UGGT2: variants seen among roughly 807,000 people sequenced by gnomAD.
UGGT2 encodes the protein UDP-glucose glycoprotein glucosyltransferase 2.
UGGT2 carries 180 observed loss-of-function variants against 192.1 expected under a neutral mutation model. The observed-to-expected ratio is 0.94, with a 90% confidence interval of 0.83 to 1.06. The LOEUF is 1.06. UGGT2 is among the 50% of genes least tolerant of loss of function. The pLI, the probability that UGGT2 is intolerant of heterozygous loss-of-function variation, is 0.00. For synonymous variants in UGGT2, 580 were observed against 591.0 expected (o/e 0.98, Z 0.27); for missense variants, 1,849 against 1,795.7 (o/e 1.03, Z -0.54).
At chr13:95,961,010 G>A (rs772737324) in intron 12 of UGGT2, among the ~76,000 whole-genome samples, 2 of 152,174 alleles carry the variant, frequency 1.3e-5, no homozygotes, top group African/African-American at 4.8e-5. Context: ...TTCACCACTA[G>A]ACCAGCCCTG....
At chr13:95,997,404 T>C (rs2051658520) in intron 6 of UGGT2, among the ~76,000 whole-genome samples, 1 of 152,036 alleles carries the variant, frequency 6.6e-6, no homozygotes, top group Non-Finnish European at 1.5e-5. Flanking sequence ...TCCCAACACT[T>C]TGGGAGGCTG....
chr13:96,020,186 C>T (rs1168163045), intron 4 of UGGT2, among the ~76,000 whole-genome samples: 1 of 152,136 alleles, frequency 6.6e-6, no homozygotes, highest in Non-Finnish European at 1.5e-5. Context: ...AGTTGAACTA[C>T]GTGAAAATGT....
At chr13:95,889,498 C>T (rs1594242978) in intron 25 of UGGT2, among the ~76,000 whole-genome samples, 1 of 152,208 alleles carries the variant, frequency 6.6e-6, no homozygotes, top group African/African-American at 2.4e-5. Flanking sequence ...TACATTTTCA[C>T]CAGACTCAAT....
At chr13:95,944,124 A>G (rs545872100) in intron 15 of UGGT2, among the ~76,000 whole-genome samples, 1 of 152,082 alleles carries the variant, frequency 6.6e-6, no homozygotes, top group African/African-American at 2.4e-5. Flanking sequence ...TTTACTTTTT[A>G]TATACCTGCT....
rs764437678 is a variant in UGGT2 at position 95,927,260 on chromosome 13, A to G, written c.2054T>C (p.Leu685Ser). ...GTACTGCTGGTTAGTACGCAAAATCAAAGTATTTATACGGGGTACAACATT... is the reference window on the plus strand; with the variant it reads ...GTACTGCTGGTTAGTACGCAAAATCGAAGTATTTATACGGGGTACAACATT... ...RNNVVPRINT[L>S]ILRTNQQYLN... Residue 685 changes from leucine to serine, a missense_variant, in exon 18 of 39, where the codon TTG (leucine) becomes TCG (serine). By Grantham distance (145) the Leu-to-Ser change is moderately radical. Transcript: ENST00000376747. 3 of 1,612,752 alleles carry G rather than the reference A, an allele frequency of 1.9e-6. No individual in the cohort carries two copies. The Admixed American group carries it at 5.0e-5, about 27-fold the overall frequency.
intron 20 of UGGT2, among the ~76,000 whole-genome samples, chr13:95,906,897 T>C (rs1228341957): frequency 2.0e-5 from 3 of 152,240 alleles, no homozygotes; most frequent in South Asian, 2.1e-4. Flanking sequence ...CATTTCCAGC[T>C]CAGGTACCTG....
chr13:95,911,550 C>G (rs1233278762), intron 20 of UGGT2, among the ~76,000 whole-genome samples: 1 of 152,168 alleles, frequency 6.6e-6, no homozygotes, highest in Non-Finnish European at 1.5e-5. Flanking sequence ...AGCTGAATCT[C>G]TGAATAGACA....
At chr13:95,803,629 G>A (rs1470196841) in intron 38 of UGGT2, among the ~76,000 whole-genome samples, 1 of 152,136 alleles carries the variant, frequency 6.6e-6, no homozygotes, top group Non-Finnish European at 1.5e-5. Context: ...TTGGGGTGGT[G>A]TACAGGATGG....
At chr13:95,843,666 T>C (rs545048843) in intron 36 of UGGT2, among the ~76,000 whole-genome samples, 1 of 152,080 alleles carries the variant, frequency 6.6e-6, no homozygotes, top group Non-Finnish European at 1.5e-5. Context: ...TAGAGGTTTT[T>C]GGGGTTTTTT....
intron 30 of UGGT2, among the ~76,000 whole-genome samples, chr13:95,864,752 T>C (rs1890491494): frequency 6.6e-6 from 1 of 152,212 alleles, no homozygotes; most frequent in African/African-American, 2.4e-5. Flanking sequence ...TGTTTCTTTC[T>C]AGATTTTCTT....
intron 10 of UGGT2, among the ~76,000 whole-genome samples, chr13:95,983,371 G>A (rs1196923518): frequency 6.6e-6 from 1 of 152,148 alleles, no homozygotes; most frequent in African/African-American, 2.4e-5. Context: ...ATTATTTGGG[G>A]TCTATGGATA....
intron 34 of UGGT2, 51 bp from the exon 35 acceptor site, chr13:95,854,526 C>T (rs1255196881): frequency 2.8e-6 from 4 of 1,450,664 alleles, no homozygotes; most frequent in East Asian, 2.4e-5. Flanking sequence ...TAACATAAGC[C>T]CTTTTTTATG....
In UGGT2 at chr13:95,909,779, TAAA is replaced by T. The variant is rs1174123842; in HGVS notation, c.2296-6722_2296-6720del. ...ATAATAATAATAATAATAATAATAA[TAAA>T]AAAGATTCCTGCCCACTAAAAAAAA... On this transcript the variant is annotated intron_variant, in intron 20 of 38. Coordinates refer to ENST00000376747, the MANE Select transcript of UGGT2 (RefSeq NM_020121.4). 1.7e-3 allele frequency among the ~76,000 whole-genome samples: 150 copies of T among 87,278 alleles called. 1 individual carries two copies. Among genetic ancestry groups the T allele is most frequent in the East Asian group, 9.9e-3 (35 of 3,518 alleles). The allele number at this position is 87,278 out of a possible 152,430, so 57.3% of individuals were successfully genotyped here. A position where few individuals can be genotyped will look rare whatever the true frequency, so the allele number is the denominator to read the frequency against.
chr13:95,986,243 C>A, intron 9 of UGGT2, 90 bp downstream of exon 9: 1 of 888,588 alleles, frequency 1.1e-6, no homozygotes, highest in Non-Finnish European at 1.8e-6. Flanking sequence ...CTAATTGACA[C>A]CTTCATGTTA....
intron 20 of UGGT2, among the ~76,000 whole-genome samples, chr13:95,904,637 A>G (rs577077499): frequency 1.4e-3 from 220 of 152,116 alleles, no homozygotes; most frequent in African/African-American, 4.8e-3. Context: ...ATCATTTTTT[A>G]TGGCTGCATA....
Position 95,902,863 on chromosome 13 carries a change from G to T in UGGT2, c.2493C>A (p.Phe831Leu). 3 of 1,612,466 alleles carry T rather than the reference G, an allele frequency of 1.9e-6. No individual in the cohort carries two copies. Among genetic ancestry groups the T allele is most frequent in the Non-Finnish European group, 2.5e-6 (3 of 1,179,250 alleles). ...AIYSGDKIKTFLIEGMDKNAF... is the reference protein window; with the variant it reads ...AIYSGDKIKTLLIEGMDKNAF... ...TCAAATAGCTACTGACCTCAATAAG[G>T]AATGTTTTAATTTTATCTCCAGAGT... Residue 831 changes from phenylalanine to leucine, a missense_variant, in exon 21 of 39, where the codon TTC becomes TTA. Transcript: ENST00000376747.
chr13:95,861,006 T>A, intron 31 of UGGT2, 123 bp from the exon 32 acceptor site: 1 of 436,844 alleles, frequency 2.3e-6, no homozygotes, highest in Non-Finnish European at 4.0e-6. Flanking sequence ...ATAAACACTC[T>A]ATAATATTTA....
intron 31 of UGGT2, among the ~76,000 whole-genome samples, chr13:95,861,439 A>C (rs1283256129): frequency 2.0e-5 from 3 of 152,126 alleles, no homozygotes; most frequent in African/African-American, 7.2e-5. Context: ...CTTCCATGAC[A>C]AAGAAAGCAC....
At chr13:95,804,588 G>A (rs953565088) in intron 38 of UGGT2, among the ~76,000 whole-genome samples, 23 of 151,996 alleles carry the variant, frequency 1.5e-4, no homozygotes, top group Non-Finnish European at 2.9e-4. Context: ...GTATGGTCCC[G>A]GCATAAAGAC....
Sources: gnomAD v4.1 joint callset for allele counts (sites outside exome capture counted in the v4.1 genomes callset) on GRCh38, gnomAD v4.1.1 for gene constraint, MANE v1.5 for transcripts, NCBI Gene and HGNC (gene_info 2026-07-23, HGNC 2026-07-21) for gene names.